PLGLB2: variants seen among roughly 807,000 people sequenced by gnomAD.
The protein encoded by PLGLB2 is plasminogen-like protein B.
rs1396844406 is a variant in PLGLB2 at position 87,758,996 on chromosome 2, C to T, written c.*2178C>T. On this transcript the variant is annotated 3_prime_UTR_variant, in exon 4 of 4. Coordinates refer to ENST00000359481, the MANE Select transcript of PLGLB2 (RefSeq NM_002665.4). ...TCTCGGAAAGGAGCAAAACTTTGCT[C>T]AGATCCCAGAATTAACCTGATTTTT... 6.9e-6 allele frequency among the ~76,000 whole-genome samples: 1 copy of T among 144,058 alleles called. No homozygotes were observed. Among genetic ancestry groups the T allele is most frequent in the African/African-American group, 2.5e-5 (1 of 40,314 alleles). The allele number at this position is 144,058 out of a possible 152,430, so 94.5% of individuals were successfully genotyped here. A position where few individuals can be genotyped will look rare whatever the true frequency, so the allele number is the denominator to read the frequency against.
Position 87,759,319 on chromosome 2 carries a change from T to A in PLGLB2, c.*2501T>A, listed in dbSNP as rs1464221394. Among the ~76,000 whole-genome samples the A allele has an allele frequency of 8.1e-5, 3 of 37,192 alleles. No homozygotes were observed. Among genetic ancestry groups the A allele is most frequent in the Admixed American group, 3.4e-4 (1 of 2,940 alleles). The allele number at this position is 37,192 out of a possible 152,430, so 24.4% of individuals were successfully genotyped here. On this transcript the variant is annotated 3_prime_UTR_variant, in exon 4 of 4. Coordinates refer to ENST00000359481, the MANE Select transcript of PLGLB2 (RefSeq NM_002665.4). ...CATGAGCCACCATGCCCAGCAGACC[T>A]GAATTATTATTATTAAAATGTTACA...
At position 87,751,028 on chromosome 2, in the gene PLGLB2, A is replaced by G. The variant is rs201491753; in HGVS notation, c.50-1219A>G. Among the ~76,000 whole-genome samples the G allele has an allele frequency of 9.3e-4, 93 of 99,710 alleles. 1 individual carries two copies. The highest frequency in any genetic ancestry group is 4.2e-3 in the Middle Eastern group (1 of 236). The allele number at this position is 99,710 out of a possible 152,430, so 65.4% of individuals were successfully genotyped here. A position where few individuals can be genotyped will look rare whatever the true frequency, so the allele number is the denominator to read the frequency against. On this transcript the variant is annotated intron_variant, in intron 1 of 3. Coordinates refer to ENST00000359481, the MANE Select transcript of PLGLB2 (RefSeq NM_002665.4). The stretch of plus-strand genomic sequence containing the variant: ...CTTTTGGCCTCTTACCCCTGTGAAA[A>G]TCACTAGCATTCTGTGCGAAGGATG...
At chr2:87,750,780 C>T (rs1684633902) in intron 1 of PLGLB2, among the ~76,000 whole-genome samples, 1 of 150,450 alleles carries the variant, frequency 6.6e-6, no homozygotes, top group South Asian at 2.2e-4. Context: ...AACCAGTGCG[C>T]TCTGCAGTGT....
intron 1 of PLGLB2, among the ~76,000 whole-genome samples, chr2:87,749,105 G>C (rs1373857352): frequency 6.7e-6 from 1 of 149,294 alleles, no homozygotes; most frequent in Non-Finnish European, 1.5e-5. Context: ...ACATGTCCTA[G>C]TAGTTCTTTT....
chr2:87,750,871 G>A (rs550963012), intron 1 of PLGLB2, among the ~76,000 whole-genome samples: 370 of 134,702 alleles, frequency 2.7e-3, no homozygotes, highest in African/African-American at 9.5e-3. Context: ...TCCCGCTGCC[G>A]CCTCCACTGC....
chr2:87,748,248 C>G, intron 1 of PLGLB2, 46 bp downstream of exon 1: 1 of 536,152 alleles, frequency 1.9e-6, no homozygotes. Flanking sequence ...TTTTCTCCCA[C>G]AATGCAGTAC....
chr2:87,758,857 AG>A lies in PLGLB2; in HGVS notation c.*2042del, dbSNP rs1684825018. On this transcript the variant is annotated 3_prime_UTR_variant, in exon 4 of 4. Coordinates refer to ENST00000359481, the MANE Select transcript of PLGLB2 (RefSeq NM_002665.4). ...ACTACTGCGACATTCCTGAGTGTGA[AG>A]GGCAGGAGTGGCTCTAGAAAATGTT... The A allele has an allele frequency of 1.3e-6, 1 of 761,620 alleles. No individual in the cohort carries two copies. Among genetic ancestry groups the A allele is most frequent in the African/African-American group, 1.7e-5 (1 of 60,096 alleles). 47.2% of individuals were successfully genotyped at this position (761,620 alleles called of 1,614,324 possible).
intron 3 of PLGLB2, among the ~76,000 whole-genome samples, 192 bp downstream of exon 3, chr2:87,753,826 AGATTT>A (rs1159554299): frequency 1.4e-5 from 2 of 138,658 alleles, no homozygotes; most frequent in Non-Finnish European, 3.2e-5. Context: ...TTCACCTCCT[AGATTT>A]AATTTTTTTT....
At chr2:87,751,521 A>G (rs1261802126) in intron 1 of PLGLB2, 1 of 151,190 alleles carries the variant, frequency 6.6e-6, no homozygotes, top group Non-Finnish European at 1.5e-5. Flanking sequence ...TCAAGGAGGG[A>G]CCATTCAGAG....
rs769737738 is a variant in PLGLB2, at chr2:87,758,209, AGTTTTGTTTT to A, written c.*1402_*1411del. Among the ~76,000 whole-genome samples the A allele has an allele frequency of 2.0e-4, 30 of 150,570 alleles. No individual in the cohort carries two copies. The highest frequency in any genetic ancestry group is 6.8e-4 in the African/African-American group (28 of 40,934). On this transcript the variant is annotated 3_prime_UTR_variant, in exon 4 of 4. Transcript: ENST00000359481. ...CTTCATAGCTATTTATGCTTAGGCA[AGTTTTGTTTT>A]GTTTTGTTTTACGTTGCCACTCAGT...
chr2:87,750,550 T>A (rs558377722), intron 1 of PLGLB2, among the ~76,000 whole-genome samples: 76 of 151,938 alleles, frequency 5.0e-4, no homozygotes, highest in Non-Finnish European at 9.6e-4. Context: ...CAACTCCTGC[T>A]CAATAATCCA....
At chr2:87,756,632 A>C (rs1290041345) in intron 3 of PLGLB2, 188 bp from the exon 4 acceptor site, 1 of 433,614 alleles carries the variant, frequency 2.3e-6, no homozygotes. Flanking sequence ...TAGCATTTGA[A>C]TACATGAATC....
intron 1 of PLGLB2, among the ~76,000 whole-genome samples, chr2:87,750,650 TTGA>T (rs1447320969): frequency 1.4e-5 from 2 of 147,448 alleles, no homozygotes; most frequent in African/African-American, 4.9e-5. Flanking sequence ...TTTGCATGAA[TTGA>T]TGAGCGTGCA....
intron 3 of PLGLB2, chr2:87,756,167 T>G (rs1684715064): frequency 2.3e-5 from 1 of 42,828 alleles, no homozygotes; most frequent in Non-Finnish European, 5.3e-5. Flanking sequence ...GCCAGCTGCA[T>G]GTGGACCCAG....
At chr2:87,750,545 C>G (rs1684629481) in intron 1 of PLGLB2, among the ~76,000 whole-genome samples, 1 of 151,848 alleles carries the variant, frequency 6.6e-6, no homozygotes, top group African/African-American at 2.4e-5. Flanking sequence ...TCAGCCAACT[C>G]CTGCTCAATA....
intron 1 of PLGLB2, among the ~76,000 whole-genome samples, chr2:87,750,911 C>CT (rs2104197653): frequency 7.9e-6 from 1 of 126,016 alleles, no homozygotes; most frequent in South Asian, 3.0e-4. Flanking sequence ...CCCACTCCCT[C>CT]TGCCTGCAGC....
intron 3 of PLGLB2, chr2:87,756,472 C>G: frequency 3.6e-6 from 1 of 277,100 alleles, no homozygotes; most frequent in Non-Finnish European, 7.1e-6. Flanking sequence ...TAAGTGATCT[C>G]ATTTTATATT....
rs1415517780 is a variant in PLGLB2, at chr2:87,758,907, AAAT to A, written c.*2093_*2095del. The A allele has an allele frequency of 9.2e-5, 55 of 598,096 alleles. No homozygotes were observed. In the East Asian group the frequency reaches 1.6e-3, roughly 17 times the overall value. The allele number at this position is 598,096 out of a possible 1,614,324, so 37.0% of individuals were successfully genotyped here. A position where few individuals can be genotyped will look rare whatever the true frequency, so the allele number is the denominator to read the frequency against. Reference sequence around the variant, plus strand: ...TTTTCATTTCTGCCCTTCACCTGTAAAATAATTTGTTGTAAAGCCCCTTCCCAC... The same window carrying A: ...TTTTCATTTCTGCCCTTCACCTGTAAAATTTGTTGTAAAGCCCCTTCCCAC... On this transcript the variant is annotated 3_prime_UTR_variant, in exon 4 of 4. Transcript: ENST00000359481.
rs1684849281 is a variant in PLGLB2, at chr2:87,759,339, G to A, written c.*2521G>A. ...AGACCTGAATTATTATTATTAAAAT[G>A]TTACATCAACATGTACAAATATAAA... On this transcript the variant is annotated 3_prime_UTR_variant, in exon 4 of 4. Transcript: ENST00000359481. 7.7e-5 allele frequency among the ~76,000 whole-genome samples: 2 copies of A among 26,114 alleles called. No homozygotes were observed. The highest frequency in any genetic ancestry group is 9.3e-4 in the Admixed American group (2 of 2,140). The allele number at this position is 26,114 out of a possible 152,430, so 17.1% of individuals were successfully genotyped here. A position where few individuals can be genotyped will look rare whatever the true frequency, so the allele number is the denominator to read the frequency against.
Sources: allele counts gnomAD v4.1 joint callset (sites outside exome capture counted in the v4.1 genomes callset), GRCh38; gene constraint gnomAD v4.1.1; transcripts MANE v1.5; gene names NCBI Gene and HGNC (gene_info 2026-07-23, HGNC 2026-07-21).